KHSRP: variants seen among roughly 807,000 people sequenced by gnomAD.
KHSRP encodes far upstream element-binding protein 2.
KHSRP carries 13 observed loss-of-function variants against 94.9 expected under a neutral mutation model. That is an observed-to-expected ratio of 0.14 (90% CI 0.09 to 0.22). KHSRP has a LOEUF of 0.22. KHSRP is among the 10% of genes least tolerant of loss of function. KHSRP has a pLI of 1.00. For missense variants in KHSRP, 710 were observed against 1,010.0 expected, an observed-to-expected ratio of 0.70 and a Z score of 4.03; for synonymous variants, 495 against 401.4, an observed-to-expected ratio of 1.23 and a Z score of -2.79.
chr19:6,421,196 G>C (rs2092192892), intron 4 of KHSRP, 82 bp downstream of exon 4: 1 of 1,332,496 alleles, frequency 7.5e-7, no homozygotes, highest in South Asian at 1.3e-5. Context: ...TGTGCCCCCA[G>C]TCAGAGCCCT....
intron 1 of KHSRP, 66 bp downstream of exon 1, chr19:6,424,387 A>ACCCCCG (rs1217456657): frequency 1.3e-6 from 1 of 774,176 alleles, no homozygotes; most frequent in Non-Finnish European, 1.5e-6. Context: ...CGCGCACGTG[A>ACCCCCG]CCCCCGCCCC....
chr19:6,424,277 T>C (rs1025694171), intron 1 of KHSRP, 176 bp downstream of exon 1: 2 of 166,524 alleles, frequency 1.2e-5, no homozygotes, highest in African/African-American at 4.8e-5. Context: ...GGTCACCCGT[T>C]GGGATCCCAC....
At position 6,418,810 on chromosome 19, in the gene KHSRP, G is replaced by A. The variant is rs370932837; in HGVS notation, c.672C>T (p.His224=). ...RGRGGPPGQF[H]DNANGGQNGT... is the part of the protein sequence containing the mutation. ...CGTTCTGGCCCCCGTTGGCGTTGTC[G>A]TGGAACTGTCCTGGGGGGCCCCCAC... Residue 224 remains histidine (H), a synonymous_variant, in exon 8 of 19, where the codon CAC becomes CAT. Coordinates refer to ENST00000600480, the MANE Select transcript of KHSRP (RefSeq NM_001366299.1). This position sits in a 1 kb window ranked among gnomAD's most constrained non-coding sequence, Gnocchi z 4.3. 2.6e-5 allele frequency: 42 copies of A among 1,593,972 alleles called. No individual in the cohort carries two copies. Among genetic ancestry groups the A allele is most frequent in the African/African-American group, 2.3e-4 (17 of 73,648 alleles).
In KHSRP at chr19:6,414,731, G is replaced by C. The variant is rs2092129381; in HGVS notation, c.*293C>G. 3 of 1,058,378 alleles carry C rather than the reference G, an allele frequency of 2.8e-6. No homozygotes were observed. Among genetic ancestry groups the C allele is most frequent in the South Asian group, 4.0e-5 (1 of 25,036 alleles). The allele number at this position is 1,058,378 out of a possible 1,614,324, so 65.6% of individuals were successfully genotyped here. On this transcript the variant is annotated 3_prime_UTR_variant, in exon 19 of 19. Coordinates refer to ENST00000600480, the MANE Select transcript of KHSRP (RefSeq NM_001366299.1). ...GAACAAAAACCAAAAAAGTGATGCA[G>C]AGAAGGGGAAAAAATAGACGTTTTC...
At position 6,413,965 on chromosome 19, in the gene KHSRP, C is replaced by G. The variant is rs557466259; in HGVS notation, c.*1059G>C. 9.9e-4 allele frequency: 592 copies of G among 595,060 alleles called. 1 individual carries two copies. Among genetic ancestry groups the G allele is most frequent in the Non-Finnish European group, 1.5e-3 (548 of 369,840 alleles). The allele number at this position is 595,060 out of a possible 1,614,324, so 36.9% of individuals were successfully genotyped here. A position where few individuals can be genotyped will look rare whatever the true frequency, so the allele number is the denominator to read the frequency against. ...GTGAGGGCCCGGCATGCCCCCAAGTCCCCCCCACCCTGCTTGCCGCGAGGG... is the reference window on the plus strand; with the variant it reads ...GTGAGGGCCCGGCATGCCCCCAAGTGCCCCCCACCCTGCTTGCCGCGAGGG... On this transcript the variant is annotated 3_prime_UTR_variant, in exon 19 of 19. Coordinates refer to ENST00000600480, the MANE Select transcript of KHSRP (RefSeq NM_001366299.1).
intron 11 of KHSRP, 113 bp from the exon 12 acceptor site, chr19:6,417,200 G>A (rs879117902): frequency 1.4e-5 from 11 of 772,336 alleles, no homozygotes; most frequent in Middle Eastern, 3.8e-4. Context: ...TCTCAGACGC[G>A]CTGCGCCGCT....
At chr19:6,417,537 C>G (rs1472423492) in intron 11 of KHSRP, among the ~76,000 whole-genome samples, 1 of 152,144 alleles carries the variant, frequency 6.6e-6, no homozygotes, top group East Asian at 1.9e-4. Flanking sequence ...GATAGGAACA[C>G]ACGTTCCCCC....
rs781420539 is a variant in KHSRP at position 6,418,919 on chromosome 19, G to A, written c.606-43C>T. ...GGGGGATGAGCGGGTGCCACCGCTG[G>A]AGAAAGGTACTGGTCTGGTGGCCCA... On this transcript the variant is annotated intron_variant, in intron 7 of 18. Transcript: ENST00000600480. This position sits in a 1 kb window ranked among gnomAD's most constrained non-coding sequence, Gnocchi z 4.3. 1 of 1,502,020 alleles carries A rather than the reference G, an allele frequency of 6.7e-7. No homozygotes were observed. The highest frequency in any genetic ancestry group is 8.8e-7 in the Non-Finnish European group (1 of 1,131,070). 93.0% of individuals were successfully genotyped at this position (1,502,020 alleles called of 1,614,324 possible).
At chr19:6,420,388 G>A in intron 5 of KHSRP, 34 bp downstream of exon 5, 1 of 1,606,478 alleles carries the variant, frequency 6.2e-7, no homozygotes, top group Non-Finnish European at 8.5e-7. Context: ...CTGGGGAAGA[G>A]TGGGCCTCCC....
chr19:6,418,284 G>A lies in KHSRP; in HGVS notation c.879+199C>T, dbSNP rs1036468772. 1.2e-4 allele frequency among the ~76,000 whole-genome samples: 18 copies of A among 152,148 alleles called. No individual in the cohort carries two copies. Among genetic ancestry groups the A allele is most frequent in the Admixed American group, 3.3e-4 (5 of 15,284 alleles). On this transcript the variant is annotated intron_variant, in intron 9 of 18. Coordinates refer to ENST00000600480, the MANE Select transcript of KHSRP (RefSeq NM_001366299.1). The surrounding 1 kb of genome is among the most constrained non-coding windows in gnomAD (Gnocchi z 4.3). ...CAGATAAAAAAGCAGAAGGTCAGAG[G>A]TGAGGCCGGTGCCTCACACACACAA...
chr19:6,414,335 G>A lies in KHSRP; in HGVS notation c.*689C>T, dbSNP rs2092124962. The A allele has an allele frequency of 2.1e-5, 29 of 1,402,438 alleles. No homozygotes were observed. The highest frequency in any genetic ancestry group is 2.5e-5 in the Non-Finnish European group (27 of 1,073,640). 86.9% of individuals were successfully genotyped at this position (1,402,438 alleles called of 1,614,324 possible). A position where few individuals can be genotyped will look rare whatever the true frequency, so the allele number is the denominator to read the frequency against. On this transcript the variant is annotated 3_prime_UTR_variant, in exon 19 of 19. Coordinates refer to ENST00000600480, the MANE Select transcript of KHSRP (RefSeq NM_001366299.1). Reference sequence around the variant, plus strand: ...GTCACGCTGCTCCCTGATGGAGAAGGAGGGACAGAGCAGGAAGAGAGGAGA... The same window carrying A: ...GTCACGCTGCTCCCTGATGGAGAAGAAGGGACAGAGCAGGAAGAGAGGAGA...
Position 6,424,549 on chromosome 19 carries a change from G to A in KHSRP, c.153C>T (p.Gly51=), listed in dbSNP as rs888882705. ...GGGGPGGGGP[G]GGSAGGPSQP... is the part of the protein sequence containing the mutation. ...GAGAGGGGCCCCCGGCCGACCCCCCGCCCGGGCCGCCGCCGCCGGGACCGC... is the reference window on the plus strand; with the variant it reads ...GAGAGGGGCCCCCGGCCGACCCCCCACCCGGGCCGCCGCCGCCGGGACCGC... Residue 51 remains glycine, a synonymous_variant, in exon 1 of 19, where the codon GGC becomes GGT. Coordinates refer to ENST00000600480, the MANE Select transcript of KHSRP (RefSeq NM_001366299.1). 30 of 970,208 alleles carry A rather than the reference G, an allele frequency of 3.1e-5. 1 individual carries two copies. In the African/African-American group the frequency reaches 5.2e-4, roughly 17 times the overall value. The allele number at this position is 970,208 out of a possible 1,614,324, so 60.1% of individuals were successfully genotyped here.
chr19:6,421,472 C>G, intron 3 of KHSRP, 155 bp from the exon 4 acceptor site: 2 of 987,308 alleles, frequency 2.0e-6, no homozygotes, highest in Non-Finnish European at 3.1e-6. Flanking sequence ...CATAAAAGCA[C>G]AGAGCTCATC....
At chr19:6,419,288 C>G in intron 6 of KHSRP, 28 bp from the exon 7 acceptor site, 7 of 1,539,818 alleles carry the variant, frequency 4.5e-6, no homozygotes, top group Non-Finnish European at 6.1e-6. Context: ...AGTCAGTGCC[C>G]TCCCTGGCCC....
At position 6,414,467 on chromosome 19, in the gene KHSRP, G is replaced by A. The variant is rs564153773; in HGVS notation, c.*557C>T. 2.6e-6 allele frequency: 3 copies of A among 1,148,510 alleles called. No homozygotes were observed. Among genetic ancestry groups the A allele is most frequent in the African/African-American group, 1.6e-5 (1 of 62,646 alleles). The allele number at this position is 1,148,510 out of a possible 1,614,324, so 71.1% of individuals were successfully genotyped here. A position where few individuals can be genotyped will look rare whatever the true frequency, so the allele number is the denominator to read the frequency against. On this transcript the variant is annotated 3_prime_UTR_variant, in exon 19 of 19. Coordinates refer to ENST00000600480, the MANE Select transcript of KHSRP (RefSeq NM_001366299.1). The stretch of plus-strand genomic sequence containing the variant: ...CGACATGAACAATCCAGAGATCATG[G>A]TGTCCCCACAACACCCCTGTGAGGT...
Position 6,422,263 on chromosome 19 carries a change from G to A in KHSRP, c.346+77C>T, listed in dbSNP as rs527919146. The A allele has an allele frequency of 8.0e-4, 770 of 960,074 alleles. 6 individuals are homozygous for A. The highest frequency in any genetic ancestry group is 2.8e-4 in the Non-Finnish European group (166 of 596,326). The allele number at this position is 960,074 out of a possible 1,614,324, so 59.5% of individuals were successfully genotyped here. A position where few individuals can be genotyped will look rare whatever the true frequency, so the allele number is the denominator to read the frequency against. On this transcript the variant is annotated intron_variant, in intron 2 of 18. Transcript: ENST00000600480. Reference sequence around the variant, plus strand: ...AACAACAGTGACACCCACCCCCTCTGAACCACACTCAAACAAAAGCACCTC... The same window carrying A: ...AACAACAGTGACACCCACCCCCTCTAAACCACACTCAAACAAAAGCACCTC...
Position 6,424,634 on chromosome 19 carries a change from G to C in KHSRP, c.68C>G (p.Ala23Gly). The change falls in exon 1 of 19, where the codon GCC becomes GGC. Residue 23 changes from alanine to glycine, a missense_variant. Coordinates refer to ENST00000600480, the MANE Select transcript of KHSRP (RefSeq NM_001366299.1). Reference protein sequence around the residue: ...PPPPAGGGGGAGGAGGGPPPG... With the variant: ...PPPPAGGGGGGGGAGGGPPPG... ...CGGAGGGCCTCCCCCGGCGCCTCCG[G>C]CTCCCCCGCCCCCGCCGGCGGGCGG... 2.0e-6 allele frequency: 2 copies of C among 988,872 alleles called. No individual in the cohort carries two copies. The highest frequency in any genetic ancestry group is 2.4e-6 in the Non-Finnish European group (2 of 833,618). The allele number at this position is 988,872 out of a possible 1,614,324, so 61.3% of individuals were successfully genotyped here.
chr19:6,420,381 G>A (rs181071885), intron 5 of KHSRP, 41 bp downstream of exon 5: 2 of 1,598,602 alleles, frequency 1.3e-6, no homozygotes, highest in South Asian at 1.1e-5. Context: ...CTTCCTCCTG[G>A]GGAAGAGTGG....
rs887828828 is a variant in KHSRP at position 6,419,208 on chromosome 19, A to G, written c.600T>C (p.Ser200=). The change falls in exon 7 of 19, where the codon TCT becomes TCC. Residue 200 remains serine (S), a synonymous_variant. Coordinates refer to ENST00000600480, the MANE Select transcript of KHSRP (RefSeq NM_001366299.1). The part of the protein sequence containing the change: ...RSVSLTGAPE[S]VQKAKMMLDD... ...GAGGCCCTGTGGGGACTTACTGGAC[A>G]GATTCTGGGGCTCCTGTCAAGGACA... The G allele has an allele frequency of 8.8e-6, 14 of 1,583,326 alleles. No individual in the cohort carries two copies. In the African/African-American group the frequency reaches 1.9e-4, roughly 21 times the overall value.
Sources: allele counts gnomAD v4.1 joint callset (sites outside exome capture counted in the v4.1 genomes callset), GRCh38; gene constraint gnomAD v4.1.1; non-coding constraint Gnocchi (gnomAD v3.1); transcripts MANE v1.5; gene names NCBI Gene and HGNC (gene_info 2026-07-23, HGNC 2026-07-21).